CSMD1: variants seen among roughly 807,000 people sequenced by gnomAD.
The protein encoded by CSMD1 is CUB and Sushi multiple domains 1.
CSMD1 carries 213 observed loss-of-function variants against 417.5 expected under a neutral mutation model. The observed-to-expected ratio is 0.51, with a 90% CI of 0.46 to 0.57. The LOEUF (loss-of-function observed/expected upper bound fraction) is 0.57. Ranked by LOEUF, CSMD1 falls within the 20% of genes least tolerant of loss-of-function variation. The probability of loss-of-function intolerance (pLI) is 0.00; values close to 1 mark genes in which losing one functional copy is unlikely to be tolerated. For synonymous variants in CSMD1, 2,862 were observed against 1,736.8 expected (o/e 1.65, Z -16.11); for missense variants, 6,923 against 4,529.7 (o/e 1.53, Z -15.17).
intron 3 of CSMD1, among the ~76,000 whole-genome samples, chr8:4,184,434 C>G (rs898478274): frequency 6.6e-6 from 1 of 152,106 alleles, no homozygotes; most frequent in Non-Finnish European, 1.5e-5. Flanking sequence ...CGGCACTATT[C>G]ACAATATCAA....
chr8:3,540,301 A>G (rs1015541591), intron 10 of CSMD1, among the ~76,000 whole-genome samples: 1 of 152,214 alleles, frequency 6.6e-6, no homozygotes, highest in African/African-American at 2.4e-5. Flanking sequence ...TGAATAGGTG[A>G]TAACTCTTCT....
chr8:3,219,348 G>A lies in CSMD1; in HGVS notation c.4579C>T (p.Pro1527Ser), dbSNP rs550879504. ...LIGSYQGSQA[P>S]ERIESSGNSL... is the part of the protein sequence containing the mutation. Reference sequence around the variant, plus strand: ...TTTCCGCTACTCTCTATTCTTTCTGGGGCCTGAGAGCCCTGGTAACTCCCA... The same window carrying A: ...TTTCCGCTACTCTCTATTCTTTCTGAGGCCTGAGAGCCCTGGTAACTCCCA... Residue 1527 changes from proline (P) to serine (S), a missense_variant, in exon 29 of 70, where the codon CCA becomes TCA. Transcript: ENST00000635120. The A allele has an allele frequency of 5.1e-6, 8 of 1,575,956 alleles. No individual in the cohort carries two copies. Among genetic ancestry groups the A allele is most frequent in the East Asian group, 2.3e-5 (1 of 43,358 alleles).
At chr8:3,560,640 A>C (rs1287314936) in intron 10 of CSMD1, among the ~76,000 whole-genome samples, 1 of 152,202 alleles carries the variant, frequency 6.6e-6, no homozygotes, top group Non-Finnish European at 1.5e-5. Context: ...GATGATATAA[A>C]AACCTAGATA....
chr8:4,955,019 G>C (rs537655043), intron 1 of CSMD1, among the ~76,000 whole-genome samples: 1 of 152,150 alleles, frequency 6.6e-6, no homozygotes, highest in African/African-American at 2.4e-5. Context: ...AGACGAGAAA[G>C]CCAGCTGATT....
chr8:4,465,321 G>A (rs951593339), intron 2 of CSMD1, among the ~76,000 whole-genome samples: 4 of 152,040 alleles, frequency 2.6e-5, no homozygotes, highest in South Asian at 2.1e-4. Flanking sequence ...TGAAGATGAC[G>A]GTCCCTGTGC....
At chr8:3,276,365 G>A (rs977276655) in intron 26 of CSMD1, among the ~76,000 whole-genome samples, 30 of 152,262 alleles carry the variant, frequency 2.0e-4, no homozygotes, top group Middle Eastern at 6.8e-3. Context: ...CTTCTGTGTC[G>A]TTCACGCTGG....
At chr8:4,344,707 G>T (rs1866271) in intron 3 of CSMD1, among the ~76,000 whole-genome samples, 8 of 151,766 alleles carry the variant, frequency 5.3e-5, no homozygotes, top group African/African-American at 1.7e-4. Flanking sequence ...AAAATAAAAA[G>T]GCATATCCAT....
intron 5 of CSMD1, among the ~76,000 whole-genome samples, chr8:3,861,665 T>C (rs905636662): frequency 2.0e-5 from 3 of 152,236 alleles, no homozygotes; most frequent in African/African-American, 7.2e-5. Flanking sequence ...TCTCCTGTTA[T>C]TGGAGGTCCA....
chr8:3,992,977 C>T (rs1469176677), intron 5 of CSMD1, among the ~76,000 whole-genome samples: 2 of 152,152 alleles, frequency 1.3e-5, no homozygotes, highest in Non-Finnish European at 1.5e-5. Flanking sequence ...ATGGAAACGG[C>T]CACAGTTGGA....
intron 3 of CSMD1, among the ~76,000 whole-genome samples, chr8:4,152,404 C>T (rs1417142849): frequency 6.6e-6 from 1 of 152,028 alleles, no homozygotes; most frequent in South Asian, 2.1e-4. Context: ...TTAGGCCAGG[C>T]ACAGTGGCTC....
intron 2 of CSMD1, among the ~76,000 whole-genome samples, chr8:4,466,421 T>G (rs1800173457): frequency 6.6e-6 from 1 of 150,478 alleles, no homozygotes; most frequent in African/African-American, 2.5e-5. Context: ...AACACTCACT[T>G]TGATATTGTC....
intron 5 of CSMD1, among the ~76,000 whole-genome samples, chr8:3,758,243 C>T (rs1185139697): frequency 1.3e-5 from 2 of 152,118 alleles, no homozygotes; most frequent in Non-Finnish European, 2.9e-5. Context: ...GGGTTACAGG[C>T]GTGAGCCATC....
chr8:4,017,766 A>C (rs1488472893), intron 4 of CSMD1, among the ~76,000 whole-genome samples: 1 of 152,132 alleles, frequency 6.6e-6, no homozygotes, highest in East Asian at 1.9e-4. Context: ...TTCCTAAATA[A>C]ATGAAGAGAT....
At chr8:3,423,061 A>G (rs1813598474) in intron 12 of CSMD1, among the ~76,000 whole-genome samples, 1 of 152,228 alleles carries the variant, frequency 6.6e-6, no homozygotes, top group Admixed American at 6.5e-5. Flanking sequence ...GTACAGTCCT[A>G]TGTATTTAAA....
chr8:4,906,732 T>G (rs1216456356), intron 1 of CSMD1, among the ~76,000 whole-genome samples: 1 of 151,786 alleles, frequency 6.6e-6, no homozygotes, highest in African/African-American at 2.4e-5. Context: ...AATTTTTGTA[T>G]TTTTTTTAGT....
chr8:3,713,999 C>T lies in CSMD1; in HGVS notation c.932-5508G>A, dbSNP rs567128019. On this transcript the variant is annotated intron_variant, in intron 6 of 69. Coordinates refer to ENST00000635120, the MANE Select transcript of CSMD1 (RefSeq NM_033225.6). ...CAATAATATTGAAATCTTTGTAAAT[C>T]CTTAGAATTGCAAGGGCTCACTATG... Among the ~76,000 whole-genome samples, 3 of 150,572 alleles carry T rather than the reference C, an allele frequency of 2.0e-5. No homozygotes were observed. The South Asian group carries it at 6.3e-4, about 32-fold the overall frequency.
At chr8:3,127,613 A>T (rs1298822009) in intron 41 of CSMD1, 1 of 152,214 alleles carries the variant, frequency 6.6e-6, no homozygotes, top group East Asian at 1.9e-4. Context: ...GAATAAACAG[A>T]TTTAACACAT....
intron 3 of CSMD1, among the ~76,000 whole-genome samples, chr8:4,105,054 A>G (rs1801498575): frequency 6.6e-6 from 1 of 152,156 alleles, no homozygotes; most frequent in Non-Finnish European, 1.5e-5. Context: ...AATTCCAACT[A>G]AAGGCAGCAA....
intron 25 of CSMD1, among the ~76,000 whole-genome samples, chr8:3,298,501 T>G (rs1804138067): frequency 6.6e-6 from 1 of 152,230 alleles, no homozygotes; most frequent in African/African-American, 2.4e-5. Context: ...TTGACCAGGC[T>G]GGAGTGCAAT....
Sources: allele counts gnomAD v4.1 joint callset (sites outside exome capture counted in the v4.1 genomes callset), GRCh38; gene constraint gnomAD v4.1.1; transcripts MANE v1.5; gene names NCBI Gene and HGNC (gene_info 2026-07-23, HGNC 2026-07-21).